Variants in SLC6A5 observed in about 807,000 individuals in gnomAD.
SLC6A5 encodes sodium- and chloride-dependent glycine transporter 2.
In SLC6A5, 58 loss-of-function variants were observed where a neutral mutation model predicts 90.5. That is an observed-to-expected ratio of 0.64 (90% CI 0.52 to 0.80). The LOEUF (loss-of-function observed/expected upper bound fraction) is 0.80, where lower values mean the gene tolerates loss of function less well. Ranked by LOEUF, SLC6A5 falls within the 30% of genes least tolerant of loss-of-function variation. The probability of loss-of-function intolerance (pLI) is 0.00; values close to 1 mark genes in which losing one functional copy is unlikely to be tolerated. For synonymous variants in SLC6A5, 427 were observed against 401.4 expected (o/e 1.06, Z -0.76); for missense variants, 1,015 against 1,017.6 (o/e 1.00, Z 0.03).
At chr11:20,614,869 G>A in intron 6 of SLC6A5, 49 bp downstream of exon 6, 2 of 1,530,482 alleles carry the variant, frequency 1.3e-6, no homozygotes, top group Non-Finnish European at 1.8e-6. Context: ...GAAACACAGT[G>A]AATTAATAAA....
At chr11:20,610,508 T>C (rs1180132961) in intron 5 of SLC6A5, among the ~76,000 whole-genome samples, 1 of 152,204 alleles carries the variant, frequency 6.6e-6, no homozygotes, top group Admixed American at 6.5e-5. Context: ...GTGTTTGCCC[T>C]CGTGTTAGTG....
intron 13 of SLC6A5, 142 bp downstream of exon 13, chr11:20,638,700 T>C (rs1355383206): frequency 1.4e-6 from 1 of 700,384 alleles, no homozygotes; most frequent in Non-Finnish European, 2.6e-6. Context: ...GCTGCACTTT[T>C]GTTTCTAAAC....
At chr11:20,632,614 T>G (rs925611717) in intron 10 of SLC6A5, among the ~76,000 whole-genome samples, 16 of 152,192 alleles carry the variant, frequency 1.1e-4, no homozygotes, top group Non-Finnish European at 2.2e-4. Flanking sequence ...CCATGAGATC[T>G]TCTCCCAGAC....
chr11:20,611,498 C>T (rs900002357), intron 5 of SLC6A5, among the ~76,000 whole-genome samples: 18 of 152,186 alleles, frequency 1.2e-4, no homozygotes, highest in Non-Finnish European at 1.9e-4. Flanking sequence ...CACAGAGGAA[C>T]TGAATCAGTG....
chr11:20,608,858 CA>C (rs908252429), intron 5 of SLC6A5, among the ~76,000 whole-genome samples: 1 of 151,644 alleles, frequency 6.6e-6, no homozygotes, highest in Non-Finnish European at 1.5e-5. Flanking sequence ...AGAGAGATGA[CA>C]TTTTTTTCTG....
intron 6 of SLC6A5, 100 bp from the exon 7 acceptor site, chr11:20,617,652 G>T: frequency 2.9e-6 from 3 of 1,035,224 alleles, no homozygotes; most frequent in South Asian, 1.3e-5. Context: ...GGGGTTTTGT[G>T]CAAGCCTCCT....
chr11:20,634,500 G>A (rs752593449), intron 10 of SLC6A5, among the ~76,000 whole-genome samples: 157 of 152,266 alleles, frequency 1.0e-3, no homozygotes, highest in Non-Finnish European at 1.8e-3. Context: ...AAAGTGAGCA[G>A]CTGAGGACCT....
At chr11:20,611,697 A>G (rs1316497376) in intron 5 of SLC6A5, among the ~76,000 whole-genome samples, 1 of 151,626 alleles carries the variant, frequency 6.6e-6, no homozygotes, top group African/African-American at 2.4e-5. Context: ...GCTTCCTGCG[A>G]GTAAATGACC....
intron 10 of SLC6A5, among the ~76,000 whole-genome samples, chr11:20,631,480 C>A (rs980080754): frequency 1.3e-5 from 2 of 152,120 alleles, no homozygotes; most frequent in Non-Finnish European, 2.9e-5. Context: ...TGACAAAGAG[C>A]TTTCATTTTT....
At position 20,657,735 on chromosome 11, in the gene SLC6A5, A is replaced by G. The variant is rs1363154895; in HGVS notation, c.*2867A>G. ...ATTTCATAACACCAACAAATGCCAG[A>G]AACTCATTCAGAAAAAAAGCCATAT... On this transcript the variant is annotated 3_prime_UTR_variant, in exon 16 of 16. Transcript: ENST00000525748. 2 of 152,236 alleles carry G rather than the reference A, an allele frequency of 1.3e-5. No individual in the cohort carries two copies. Among genetic ancestry groups the G allele is most frequent in the Non-Finnish European group, 2.9e-5 (2 of 68,046 alleles). 9.4% of individuals were successfully genotyped at this position (152,236 alleles called of 1,614,324 possible). A position where few individuals can be genotyped will look rare whatever the true frequency, so the allele number is the denominator to read the frequency against.
At chr11:20,613,948 T>C (rs537947431) in intron 5 of SLC6A5, among the ~76,000 whole-genome samples, 2 of 152,058 alleles carry the variant, frequency 1.3e-5, no homozygotes, top group Non-Finnish European at 2.9e-5. Context: ...GTATGACAAC[T>C]AAAAATGCCT....
intron 7 of SLC6A5, among the ~76,000 whole-genome samples, chr11:20,621,649 G>T (rs1852891534): frequency 6.6e-6 from 1 of 152,196 alleles, no homozygotes; most frequent in Non-Finnish European, 1.5e-5. Flanking sequence ...GCATTATTTG[G>T]GAGCCAAGGT....
chr11:20,639,418 A>G (rs572835082), intron 13 of SLC6A5, among the ~76,000 whole-genome samples: 27 of 152,282 alleles, frequency 1.8e-4, no homozygotes, highest in African/African-American at 5.8e-4. Flanking sequence ...TTCAGATCCC[A>G]AAAGAGACAG....
At position 20,622,688 on chromosome 11, in the gene SLC6A5, C is replaced by T. The variant is rs564873253; in HGVS notation, c.1261-4020C>T. Among the ~76,000 whole-genome samples, 6 of 152,290 alleles carry T rather than the reference C, an allele frequency of 3.9e-5. No homozygotes were observed. The East Asian group carries it at 1.2e-3, about 29-fold the overall frequency. On this transcript the variant is annotated intron_variant, in intron 7 of 15. Transcript: ENST00000525748. ...GGAGTGATGGTGTCTAAACAGCCTC[C>T]AACAGTGAAATGGGAACAGCTGTCT...
At chr11:20,600,408 GAA>G (rs1852446002) in intron 1 of SLC6A5, among the ~76,000 whole-genome samples, 1 of 137,958 alleles carries the variant, frequency 7.2e-6, no homozygotes, top group Non-Finnish European at 1.6e-5. Flanking sequence ...AGAAGAAGAA[GAA>G]GACCTAAACA....
intron 14 of SLC6A5, among the ~76,000 whole-genome samples, chr11:20,650,655 C>CTTTTT (rs55849528): frequency 1.0e-4 from 8 of 79,844 alleles, no homozygotes; most frequent in East Asian, 8.1e-4. Context: ...GACGCCTGTT[C>CTTTTT]TTTTTTTTTT....
chr11:20,634,061 G>T (rs1018496111), intron 10 of SLC6A5, among the ~76,000 whole-genome samples: 1 of 152,070 alleles, frequency 6.6e-6, no homozygotes. Flanking sequence ...TAGTAGAGAC[G>T]GGGTTTCACC....
intron 10 of SLC6A5, among the ~76,000 whole-genome samples, chr11:20,635,826 C>G (rs774155023): frequency 7.9e-5 from 12 of 152,134 alleles, no homozygotes; most frequent in Non-Finnish European, 1.3e-4. Flanking sequence ...GCCTCCACCC[C>G]ACTAGATGCC....
intron 14 of SLC6A5, among the ~76,000 whole-genome samples, chr11:20,647,211 CTA>C (rs10597763): frequency 0.44 from 56,113 of 127,162 alleles, 11,555 homozygotes; most frequent in African/African-American, 0.52. Flanking sequence ...ATATCAGTTC[CTA>C]TATATATATA....
Sources: allele counts gnomAD v4.1 joint callset (sites outside exome capture counted in the v4.1 genomes callset), GRCh38; gene constraint gnomAD v4.1.1; transcripts MANE v1.5; gene names NCBI Gene and HGNC (gene_info 2026-07-23, HGNC 2026-07-21).